Variants in VTA1 observed in about 807,000 individuals in gnomAD.
The protein encoded by VTA1 is vacuolar protein sorting-associated protein VTA1 homolog.
In VTA1, 24 loss-of-function variants were observed where a neutral mutation model predicts 36.9. That is an observed-to-expected ratio of 0.65 (90% CI 0.47 to 0.91). The LOEUF (loss-of-function observed/expected upper bound fraction) is 0.91, where lower values mean the gene tolerates loss of function less well. VTA1 is among the 40% of genes least tolerant of loss of function. VTA1 has a pLI of 0.00. For missense variants in VTA1, 393 were observed against 377.2 expected, an observed-to-expected ratio of 1.04 and a Z score of -0.35; for synonymous variants, 142 against 130.2, an observed-to-expected ratio of 1.09 and a Z score of -0.62.
intron 1 of VTA1, among the ~76,000 whole-genome samples, chr6:142,156,213 CAA>C (rs1482553776): frequency 6.6e-6 from 1 of 151,954 alleles, no homozygotes; most frequent in Admixed American, 6.6e-5. Context: ...CTCGAATAAA[CAA>C]AGTCAGATTA....
chr6:142,218,254 C>T (rs771338593), intron 7 of VTA1, among the ~76,000 whole-genome samples: 21 of 152,084 alleles, frequency 1.4e-4, no homozygotes, highest in Non-Finnish European at 3.1e-4. Context: ...CTTATTGCTT[C>T]TTGAAGGAAA....
At chr6:142,212,607 T>C (rs1407753765) in intron 7 of VTA1, among the ~76,000 whole-genome samples, 1 of 152,170 alleles carries the variant, frequency 6.6e-6, no homozygotes, top group Non-Finnish European at 1.5e-5. Context: ...CATATTGCTA[T>C]AAAGAACTAC....
At chr6:142,189,945 G>A (rs1278494282) in intron 5 of VTA1, among the ~76,000 whole-genome samples, 1 of 152,042 alleles carries the variant, frequency 6.6e-6, no homozygotes, top group Non-Finnish European at 1.5e-5. Flanking sequence ...TTTTAGTAGA[G>A]ACGGGGTTTC....
In VTA1 at chr6:142,181,116, T is replaced by TACAC. The variant is rs1554219856; in HGVS notation, c.412-8298_412-8295dup. On this transcript the variant is annotated intron_variant, in intron 4 of 7. Transcript: ENST00000367630. ...AAAAATATATATATATATATATATA[T>TACAC]ACACACACACACACAGACACACTTT... 2.6e-4 allele frequency among the ~76,000 whole-genome samples: 23 copies of TACAC among 87,068 alleles called. No individual in the cohort carries two copies. In the East Asian group the frequency reaches 4.9e-3, roughly 19 times the overall value. 57.1% of individuals were successfully genotyped at this position (87,068 alleles called of 152,430 possible).
At chr6:142,190,048 T>C (rs557286089) in intron 5 of VTA1, among the ~76,000 whole-genome samples, 29 of 152,280 alleles carry the variant, frequency 1.9e-4, no homozygotes, top group Non-Finnish European at 2.2e-4. Flanking sequence ...TGAGCCACCG[T>C]ACCTGGCCTC....
At chr6:142,147,724 A>G (rs903245249) in intron 1 of VTA1, among the ~76,000 whole-genome samples, 1 of 152,242 alleles carries the variant, frequency 6.6e-6, no homozygotes. Flanking sequence ...AATCCTGAAA[A>G]TAAATTGAGT....
rs1386055568 is a variant in VTA1, at chr6:142,198,599, A to G, written c.681A>G (p.Glu227=). 1.2e-6 allele frequency: 2 copies of G among 1,612,110 alleles called. No homozygotes were observed. Among genetic ancestry groups the G allele is most frequent in the Admixed American group, 1.7e-5 (1 of 59,868 alleles). The change falls in exon 6 of 8, where the codon GAA becomes GAG. Residue 227 remains glutamate, a synonymous_variant. Transcript: ENST00000367630. ...ACGCTCCAGCTAATACACCAGCAGA[A>G]GTGCCTCACAGCACAGGTGGGAAAC... ...GAHAPANTPA[E]VPHSTGVASN... is the part of the protein sequence containing the mutation.
chr6:142,211,470 C>G (rs989547348), intron 7 of VTA1, among the ~76,000 whole-genome samples: 1 of 152,018 alleles, frequency 6.6e-6, no homozygotes, highest in Non-Finnish European at 1.5e-5. Flanking sequence ...AAGATGCTGT[C>G]AAGAAAATGA....
At chr6:142,199,411 TA>T (rs1188423681) in intron 6 of VTA1, among the ~76,000 whole-genome samples, 6 of 152,136 alleles carry the variant, frequency 3.9e-5, no homozygotes, top group Admixed American at 2.6e-4. Flanking sequence ...AAACTTTTCT[TA>T]AAAATTTACT....
chr6:142,202,520 G>A (rs756973189), intron 6 of VTA1, among the ~76,000 whole-genome samples: 1 of 151,940 alleles, frequency 6.6e-6, no homozygotes, highest in Non-Finnish European at 1.5e-5. Flanking sequence ...AGATTTATAC[G>A]TATTAATCTG....
chr6:142,153,746 T>C (rs1778610721), intron 1 of VTA1, among the ~76,000 whole-genome samples: 1 of 152,132 alleles, frequency 6.6e-6, no homozygotes, highest in Admixed American at 6.5e-5. Context: ...AGCAAAATAG[T>C]AAATTCTCTC....
chr6:142,209,491 A>T (rs1775857967), intron 7 of VTA1, among the ~76,000 whole-genome samples: 1 of 151,298 alleles, frequency 6.6e-6, no homozygotes. Flanking sequence ...CGATCTAACT[A>T]AAGCAGTTAG....
At chr6:142,162,019 A>G (rs890775771) in intron 1 of VTA1, among the ~76,000 whole-genome samples, 1 of 152,206 alleles carries the variant, frequency 6.6e-6, no homozygotes, top group Non-Finnish European at 1.5e-5. Context: ...CCATATAATA[A>G]TGTCCTTGTA....
At chr6:142,163,412 T>C (rs1774848225) in intron 1 of VTA1, among the ~76,000 whole-genome samples, 1 of 152,174 alleles carries the variant, frequency 6.6e-6, no homozygotes. Flanking sequence ...ATATTAGTCT[T>C]GGTTACATGG....
chr6:142,190,244 A>G (rs192273739), intron 5 of VTA1, among the ~76,000 whole-genome samples: 2 of 152,338 alleles, frequency 1.3e-5, no homozygotes, highest in Admixed American at 6.5e-5. Context: ...TATAAAAAAT[A>G]TGAAGTGAAT....
In VTA1 at chr6:142,193,537, A is replaced by G. The variant is rs192736001; in HGVS notation, c.520+4003A>G. 6.6e-3 allele frequency among the ~76,000 whole-genome samples: 1,005 copies of G among 152,244 alleles called. 8 individuals are homozygous for G. The highest frequency in any genetic ancestry group is 8.3e-3 in the Non-Finnish European group (566 of 67,992). ...ATCATAAGGATGGACTTTCCAGTCT[A>G]TACATAAATAAATGTATTTATTCAT... On this transcript the variant is annotated intron_variant, in intron 5 of 7. Coordinates refer to ENST00000367630, the MANE Select transcript of VTA1 (RefSeq NM_016485.5).
At position 142,218,593 on chromosome 6, in the gene VTA1, G is replaced by C; in HGVS notation, c.874G>C (p.Val292Leu). 2 of 1,613,010 alleles carry C rather than the reference G, an allele frequency of 1.2e-6. No individual in the cohort carries two copies. Among genetic ancestry groups the C allele is most frequent in the Non-Finnish European group, 1.7e-6 (2 of 1,179,602 alleles). ...ALQYEDVSTA[V>L]QNLQKALKLL... ...GCAGTATGAAGATGTAAGCACTGCT[G>C]TCCAGAATCTACAAAAGGCTCTCAA... The change falls in exon 8 of 8, where the codon GTC becomes CTC. Residue 292 changes from valine (V) to leucine (L), a missense_variant. By Grantham distance (32) the Val-to-Leu change is conservative (BLOSUM62 1). Coordinates refer to ENST00000367630, the MANE Select transcript of VTA1 (RefSeq NM_016485.5).
chr6:142,165,924 C>T (rs1197745582), intron 1 of VTA1, among the ~76,000 whole-genome samples: 4 of 151,122 alleles, frequency 2.6e-5, no homozygotes, highest in Non-Finnish European at 5.9e-5. Context: ...GCTGTGTGCT[C>T]TGTCTTACCA....
chr6:142,198,405 C>T, intron 5 of VTA1, 34 bp from the exon 6 acceptor site: 4 of 1,583,448 alleles, frequency 2.5e-6, no homozygotes, highest in Non-Finnish European at 3.4e-6. Flanking sequence ...TTTCAAAATA[C>T]CTACTGTAAC....
Sources: allele counts gnomAD v4.1 joint callset (sites outside exome capture counted in the v4.1 genomes callset), GRCh38; gene constraint gnomAD v4.1.1; transcripts MANE v1.5; gene names NCBI Gene and HGNC (gene_info 2026-07-23, HGNC 2026-07-21).